Variants in TAOK1 observed in about 807,000 individuals in gnomAD.
TAOK1 encodes TAO kinase 1, also known as serine/threonine-protein kinase TAO1.
A neutral mutation model predicts 138.3 loss-of-function variants in TAOK1; 21 were observed. That is an observed-to-expected ratio of 0.15 (90% CI 0.11 to 0.22). TAOK1 has a LOEUF of 0.22. Among genes scored for constraint, TAOK1 ranks in the 10% least tolerant of loss-of-function variants. The pLI is 1.00. For synonymous variants in TAOK1, 361 were observed against 398.4 expected (o/e 0.91, Z 1.12); for missense variants, 651 against 1,227.7 (o/e 0.53, Z 7.02).
chr17:29,539,501 A>G (rs1182458873), intron 19 of TAOK1, among the ~76,000 whole-genome samples: 2 of 152,140 alleles, frequency 1.3e-5, no homozygotes, highest in African/African-American at 4.8e-5. Flanking sequence ...CAATGGCACT[A>G]TCTCGGCTCA....
intron 18 of TAOK1, 81 bp from the exon 19 acceptor site, chr17:29,534,037 C>T (rs1036130967): frequency 7.2e-6 from 10 of 1,396,468 alleles, no homozygotes; most frequent in Admixed American, 2.9e-5. Flanking sequence ...TTCTAACACT[C>T]CTCCTCCTTT....
chr17:29,426,635 G>A (rs1241532939), intron 1 of TAOK1, among the ~76,000 whole-genome samples: 1 of 152,202 alleles, frequency 6.6e-6, no homozygotes, highest in Non-Finnish European at 1.5e-5. Context: ...CATGTCTTGT[G>A]CTTATGGAGT....
intron 2 of TAOK1, among the ~76,000 whole-genome samples, chr17:29,460,215 G>A (rs530844739): frequency 3.0e-4 from 45 of 152,038 alleles, no homozygotes; most frequent in Middle Eastern, 3.4e-3. Context: ...TTTCTGAGAC[G>A]GAGTCTCGCT....
chr17:29,429,342 T>C (rs909280451), intron 1 of TAOK1, among the ~76,000 whole-genome samples: 20 of 151,976 alleles, frequency 1.3e-4, no homozygotes, highest in Non-Finnish European at 7.4e-5. Flanking sequence ...TCCCCCACAC[T>C]GGGGGACACT....
At chr17:29,403,179 A>T (rs866643397) in intron 1 of TAOK1, among the ~76,000 whole-genome samples, 4,611 of 150,682 alleles carry the variant, frequency 0.031, 265 homozygotes, top group African/African-American at 0.11. Flanking sequence ...AAAAAAAAAA[A>T]AAAAAATCAG....
chr17:29,403,619 G>A (rs887062052), intron 1 of TAOK1: 2 of 152,128 alleles, frequency 1.3e-5, no homozygotes, highest in Non-Finnish European at 2.9e-5. Context: ...ATAGGAGTAT[G>A]GTATTTCAGT....
At position 29,539,697 on chromosome 17, in the gene TAOK1, A is replaced by G. The variant is rs144667126; in HGVS notation, c.2545-2864A>G. Among the ~76,000 whole-genome samples, 830 of 152,222 alleles carry G rather than the reference A, an allele frequency of 5.5e-3. 8 individuals are homozygous for G. The highest frequency in any genetic ancestry group is 8.0e-3 in the Non-Finnish European group (542 of 68,010). ...GTGATCCTCGTACCTCAGCCTCCCA[A>G]AGCTCTTGGGATTACAGGCGTGAGC... On this transcript the variant is annotated intron_variant, in intron 19 of 19. Transcript: ENST00000261716.
chr17:29,492,521 G>T (rs1171231828), intron 10 of TAOK1, among the ~76,000 whole-genome samples: 1 of 152,216 alleles, frequency 6.6e-6, no homozygotes, highest in Non-Finnish European at 1.5e-5. Context: ...AGCCAGGCGC[G>T]GTGGCTCACG....
At chr17:29,411,672 C>T (rs984311305) in intron 1 of TAOK1, among the ~76,000 whole-genome samples, 7 of 152,092 alleles carry the variant, frequency 4.6e-5, no homozygotes, top group African/African-American at 1.4e-4. Flanking sequence ...GGATTACAGG[C>T]GAGAGCCACT....
intron 17 of TAOK1, among the ~76,000 whole-genome samples, chr17:29,526,173 G>A (rs1182650391): frequency 1.3e-5 from 2 of 151,970 alleles, no homozygotes; most frequent in African/African-American, 4.8e-5. Flanking sequence ...TACTTGGGAG[G>A]CTGAGGCAGG....
intron 1 of TAOK1, among the ~76,000 whole-genome samples, chr17:29,448,027 T>C (rs188556821): frequency 1.3e-5 from 2 of 151,048 alleles, no homozygotes; most frequent in African/African-American, 4.8e-5. Flanking sequence ...TATCTTTTTT[T>C]TTATTATTTT....
Position 29,400,540 on chromosome 17 carries a change from C to T in TAOK1, c.-95+9516C>T, listed in dbSNP as rs1353532086. ...GATTCAGAGTACCCATGCTCTTCTACGCATTTTTATTTAGGTATCTTTTGT... is the reference window on the plus strand; with the variant it reads ...GATTCAGAGTACCCATGCTCTTCTATGCATTTTTATTTAGGTATCTTTTGT... On this transcript the variant is annotated intron_variant, in intron 1 of 19. Coordinates refer to ENST00000261716, the MANE Select transcript of TAOK1 (RefSeq NM_020791.4). 3.9e-5 allele frequency among the ~76,000 whole-genome samples: 6 copies of T among 152,210 alleles called. No homozygotes were observed. The South Asian group carries it at 8.3e-4, about 21-fold the overall frequency.
chr17:29,496,393 C>T (rs535728731), intron 11 of TAOK1, among the ~76,000 whole-genome samples: 4 of 152,190 alleles, frequency 2.6e-5, no homozygotes, highest in African/African-American at 9.6e-5. Flanking sequence ...GCTGGGATTA[C>T]AGGCATGGGC....
At chr17:29,516,131 T>C (rs1433668603) in intron 15 of TAOK1, among the ~76,000 whole-genome samples, 1 of 150,404 alleles carries the variant, frequency 6.6e-6, no homozygotes, top group Non-Finnish European at 1.5e-5. Context: ...CTGGCTAATT[T>C]TGTATTTTTA....
chr17:29,504,526 T>G (rs1039733073), intron 13 of TAOK1, among the ~76,000 whole-genome samples: 1 of 151,178 alleles, frequency 6.6e-6, no homozygotes, highest in African/African-American at 2.4e-5. Context: ...AAAAATTAGC[T>G]GGGCGTGATG....
intron 3 of TAOK1, among the ~76,000 whole-genome samples, chr17:29,467,551 C>T (rs545012990): frequency 3.0e-4 from 45 of 152,176 alleles, no homozygotes; most frequent in African/African-American, 9.9e-4. Context: ...GGATTACAGG[C>T]GTGAGCCACC....
chr17:29,439,840 C>T (rs181422282), intron 1 of TAOK1, among the ~76,000 whole-genome samples: 5 of 120,632 alleles, frequency 4.1e-5, no homozygotes, highest in East Asian at 2.5e-4. Flanking sequence ...GCCAGGGCAA[C>T]GTAGTGAAAA....
intron 1 of TAOK1, among the ~76,000 whole-genome samples, chr17:29,416,283 G>A (rs952229834): frequency 2.6e-5 from 4 of 151,832 alleles, no homozygotes; most frequent in African/African-American, 7.3e-5. Context: ...AAAAGATTAT[G>A]TATAGGGATT....
intron 3 of TAOK1, among the ~76,000 whole-genome samples, chr17:29,472,478 C>A (rs112590951): frequency 0.037 from 5,604 of 152,096 alleles, 314 homozygotes; most frequent in African/African-American, 0.13. Context: ...GTCTCGAACT[C>A]CTGACCTCAG....
Sources: gnomAD v4.1 joint callset for allele counts (sites outside exome capture counted in the v4.1 genomes callset) on GRCh38, gnomAD v4.1.1 for gene constraint, MANE v1.5 for transcripts, NCBI Gene and HGNC (gene_info 2026-07-23, HGNC 2026-07-21) for gene names.